UTRN: variants seen among roughly 807,000 people sequenced by gnomAD.
The protein encoded by UTRN is utrophin, also known as dystrophin-related protein 1.
A neutral mutation model predicts 463.9 loss-of-function variants in UTRN; 283 were observed. The observed-to-expected ratio is 0.61, with a 90% CI of 0.55 to 0.67. The LOEUF (loss-of-function observed/expected upper bound fraction) is 0.67, where lower values mean the gene tolerates loss of function less well. UTRN is among the 30% of genes least tolerant of loss of function. UTRN has a pLI of 0.00. For missense variants in UTRN, 3,922 were observed against 4,084.3 expected, an observed-to-expected ratio of 0.96 and a Z score of 1.08; for synonymous variants, 1,442 against 1,431.5, an observed-to-expected ratio of 1.01 and a Z score of -0.17.
At chr6:144,317,548 C>CA (rs1302531729) in intron 2 of UTRN, among the ~76,000 whole-genome samples, 1 of 152,088 alleles carries the variant, frequency 6.6e-6, no homozygotes, top group Non-Finnish European at 1.5e-5. Context: ...AGGCACCCAC[C>CA]ACCATGCCTA....
intron 2 of UTRN, among the ~76,000 whole-genome samples, chr6:144,337,930 G>A (rs564658532): frequency 2.0e-5 from 3 of 152,250 alleles, no homozygotes; most frequent in African/African-American, 4.8e-5. Context: ...TATTTTCTAA[G>A]CTCTTTGATG....
At chr6:144,846,689 T>G in intron 73 of UTRN, 116 bp from the exon 74 acceptor site, 2 of 1,370,838 alleles carry the variant, frequency 1.5e-6, no homozygotes, top group Non-Finnish European at 2.0e-6. Context: ...ATTTAACAAC[T>G]GGGCTATTAT....
intron 73 of UTRN, among the ~76,000 whole-genome samples, chr6:144,841,045 G>C (rs919730110): frequency 6.6e-6 from 1 of 152,182 alleles, no homozygotes; most frequent in Non-Finnish European, 1.5e-5. Flanking sequence ...ACGCAATTCT[G>C]CTCTTTGAGA....
intron 2 of UTRN, among the ~76,000 whole-genome samples, chr6:144,336,823 C>T (rs1028229105): frequency 6.6e-6 from 1 of 152,030 alleles, no homozygotes; most frequent in African/African-American, 2.4e-5. Flanking sequence ...TCTTGCCTCC[C>T]TGAAGAACTC....
chr6:144,459,598 A>T (rs957080168), intron 21 of UTRN, among the ~76,000 whole-genome samples: 9 of 148,102 alleles, frequency 6.1e-5, no homozygotes, highest in African/African-American at 2.2e-4. Flanking sequence ...TATAATAATA[A>T]TTTTTTTTTT....
chr6:144,338,714 C>G (rs1030856665), intron 2 of UTRN, among the ~76,000 whole-genome samples: 4 of 152,082 alleles, frequency 2.6e-5, no homozygotes, highest in African/African-American at 9.7e-5. Context: ...GCCAGGAGAC[C>G]AGGTAGAAGA....
At position 144,798,029 on chromosome 6, in the gene UTRN, T is replaced by A. The variant is rs752113942; in HGVS notation, c.9245+39T>A. ...GTGCTGGAGGAGGCTATTTTCTGTT[T>A]CCTTTGTGTAATCTCAGTGGTACGT... On this transcript the variant is annotated intron_variant, in intron 64 of 74. Transcript: ENST00000367545. 8 of 1,612,968 alleles carry A rather than the reference T, an allele frequency of 5.0e-6. No homozygotes were observed. In the Admixed American group the frequency reaches 1.0e-4, roughly 20 times the overall value.
intron 14 of UTRN, among the ~76,000 whole-genome samples, chr6:144,446,362 A>G (rs1481844262): frequency 6.6e-6 from 1 of 152,188 alleles, no homozygotes; most frequent in Non-Finnish European, 1.5e-5. Context: ...GACAGTATCC[A>G]TTGGGGGGTG....
chr6:144,550,983 GA>G lies in UTRN; in HGVS notation c.6831del (p.Glu2277AspfsTer17). The G allele has an allele frequency of 6.2e-7, 1 of 1,608,758 alleles. No homozygotes were observed. Among genetic ancestry groups the G allele is most frequent in the Admixed American group, 1.7e-5 (1 of 58,444 alleles). On this transcript the variant is annotated frameshift_variant, in exon 48 of 75. Transcript: ENST00000367545. LOFTEE classifies it high-confidence loss of function. Reference protein sequence around the residue: ...SRMKITKADLEQRHPQLDYVF... With the variant: ...SRMKITKADLXQRHPQLDYVF... ...TTAACAGATTACAAAGGCTGACTTA[GA>G]ACAGCGCCATCCTCAGCTGGATTAT... is the stretch of plus-strand genomic sequence containing the variant.
intron 3 of UTRN, among the ~76,000 whole-genome samples, chr6:144,421,612 C>A (rs1784836617): frequency 6.6e-6 from 1 of 151,744 alleles, no homozygotes; most frequent in Non-Finnish European, 1.5e-5. Context: ...TGGCGTGAAC[C>A]CTGGAGGCGG....
chr6:144,834,518 C>G (rs955642597), intron 69 of UTRN, among the ~76,000 whole-genome samples: 1 of 152,176 alleles, frequency 6.6e-6, no homozygotes, highest in Admixed American at 6.5e-5. Context: ...CACCAACTGT[C>G]TGATACAATT....
chr6:144,766,739 G>A (rs1793393325), intron 58 of UTRN, among the ~76,000 whole-genome samples: 1 of 151,990 alleles, frequency 6.6e-6, no homozygotes, highest in Admixed American at 6.6e-5. Context: ...TGCCTGTGAA[G>A]GAGAGAAAAA....
chr6:144,651,762 G>C lies in UTRN; in HGVS notation c.7480-26644G>C, dbSNP rs986011449. Among the ~76,000 whole-genome samples the C allele has an allele frequency of 5.3e-5, 8 of 152,222 alleles. No individual in the cohort carries two copies. In the East Asian group the frequency reaches 1.5e-3, roughly 29 times the overall value. On this transcript the variant is annotated intron_variant, in intron 51 of 74. Coordinates refer to ENST00000367545, the MANE Select transcript of UTRN (RefSeq NM_007124.3). ...CCAATGTGTAGTGTTGTCAGTTTGC[G>C]TGTTGTAAATATCTTCTTCCAGTTT...
Position 144,757,975 on chromosome 6 carries a change from G to A in UTRN, c.8481G>A (p.Val2827=). ...PWQRSISHNK[V]PYYINHQTQT... ...AAAGATCCATTTCACATAATAAAGT[G>A]CCCTATTACATCAAGTAAGTTGATT... is the stretch of plus-strand genomic sequence containing the variant. Residue 2827 remains valine, a synonymous_variant, in exon 58 of 75, where the codon GTG becomes GTA. Coordinates refer to ENST00000367545, the MANE Select transcript of UTRN (RefSeq NM_007124.3). 1 of 1,610,094 alleles carries A rather than the reference G, an allele frequency of 6.2e-7. No individual in the cohort carries two copies. Among genetic ancestry groups the A allele is most frequent in the African/African-American group, 1.3e-5 (1 of 74,784 alleles).
At chr6:144,838,032 G>A (rs1586779053) in intron 71 of UTRN, among the ~76,000 whole-genome samples, 1 of 152,200 alleles carries the variant, frequency 6.6e-6, no homozygotes, top group East Asian at 1.9e-4. Context: ...TGCTGTGTAA[G>A]GGATGGATTT....
At chr6:144,739,794 G>A (rs1214701562) in intron 54 of UTRN, among the ~76,000 whole-genome samples, 1 of 152,132 alleles carries the variant, frequency 6.6e-6, no homozygotes, top group Non-Finnish European at 1.5e-5. Flanking sequence ...TTTAGATCCA[G>A]AATATTCCAG....
At chr6:144,670,389 A>AT (rs1176863299) in intron 51 of UTRN, among the ~76,000 whole-genome samples, 1 of 151,778 alleles carries the variant, frequency 6.6e-6, no homozygotes, top group Non-Finnish European at 1.5e-5. Flanking sequence ...GATGTTGAGC[A>AT]TTTTTTCATG....
At chr6:144,469,909 C>T (rs190078149) in intron 23 of UTRN, among the ~76,000 whole-genome samples, 140 of 151,988 alleles carry the variant, frequency 9.2e-4, no homozygotes, top group Non-Finnish European at 1.2e-3. Context: ...TGACTCTTAA[C>T]GAGCATGCTG....
At chr6:144,833,022 G>A (rs1307833242) in intron 69 of UTRN, among the ~76,000 whole-genome samples, 1 of 152,120 alleles carries the variant, frequency 6.6e-6, no homozygotes, top group Non-Finnish European at 1.5e-5. Context: ...GTTTCACCAT[G>A]TTGGTCAGGC....
Sources: allele counts gnomAD v4.1 joint callset (sites outside exome capture counted in the v4.1 genomes callset), GRCh38; gene constraint gnomAD v4.1.1; transcripts MANE v1.5; gene names NCBI Gene and HGNC (gene_info 2026-07-23, HGNC 2026-07-21).